The following NUP107 variants were observed in gnomAD, a reference collection of about 807,000 sequenced individuals.
NUP107 encodes the protein nuclear pore complex protein Nup107.
Under a neutral mutation model 141.0 loss-of-function variants are expected in NUP107, and 101 were observed. The ratio of observed to expected loss-of-function variants is 0.72; its 90% CI spans 0.61 to 0.84. NUP107 has a LOEUF of 0.84. NUP107 is among the 40% of genes least tolerant of loss of function. NUP107 has a pLI of 0.00. For synonymous variants in NUP107, 319 were observed against 363.9 expected, an observed-to-expected ratio of 0.88 and a Z score of 1.41; for missense variants, 941 against 1,102.7, an observed-to-expected ratio of 0.85 and a Z score of 2.08.
chr12:68,719,335 T>C lies in NUP107; in HGVS notation c.1084-6T>C. 1.9e-6 allele frequency: 3 copies of C among 1,613,084 alleles called. No individual in the cohort carries two copies. The highest frequency in any genetic ancestry group is 1.7e-5 in the Admixed American group (1 of 59,888). On this transcript the variant is annotated splice_region_variant and splice_polypyrimidine_tract_variant and intron_variant, in intron 12 of 27. Transcript: ENST00000229179. ...TTGGACTGACTGCTCTTTCTTGTTT[T>C]CTAAGGCACAACGACTCTGTAAACG...
At chr12:68,690,136 T>C (rs1314727316) in intron 3 of NUP107, among the ~76,000 whole-genome samples, 2 of 150,600 alleles carry the variant, frequency 1.3e-5, no homozygotes, top group Non-Finnish European at 3.0e-5. Context: ...GCTGAGATTG[T>C]GCCACTGTAC....
At chr12:68,699,266 G>A (rs1347500690) in intron 6 of NUP107, among the ~76,000 whole-genome samples, 1 of 152,024 alleles carries the variant, frequency 6.6e-6, no homozygotes, top group Non-Finnish European at 1.5e-5. Flanking sequence ...CCAGCTACTC[G>A]GGAGGCTGAG....
Position 68,686,997 on chromosome 12 carries a change from A to T in NUP107, c.-69A>T. 2 of 1,606,522 alleles carry T rather than the reference A, an allele frequency of 1.2e-6. No individual in the cohort carries two copies. The highest frequency in any genetic ancestry group is 4.5e-5 in the East Asian group (2 of 44,842). ...CGGGTCGAAGGGCTTGCTTCCGGAGAGCGGGAAGGCTAAAACGCGGTAGCT... is the reference window on the plus strand; with the variant it reads ...CGGGTCGAAGGGCTTGCTTCCGGAGTGCGGGAAGGCTAAAACGCGGTAGCT... On this transcript the variant is annotated 5_prime_UTR_variant, in exon 1 of 28. Transcript: ENST00000229179.
At chr12:68,720,738 A>G (rs1043726454) in intron 14 of NUP107, among the ~76,000 whole-genome samples, 2 of 152,132 alleles carry the variant, frequency 1.3e-5, no homozygotes, top group Non-Finnish European at 2.9e-5. Context: ...GATGTTGTAC[A>G]TAGGTCAGTA....
intron 7 of NUP107, among the ~76,000 whole-genome samples, chr12:68,701,150 G>A (rs937287909): frequency 1.3e-5 from 2 of 152,098 alleles, no homozygotes; most frequent in African/African-American, 4.8e-5. Context: ...CATGTAATAT[G>A]GAAGTTTGAA....
At chr12:68,712,155 G>A (rs1469565960) in intron 10 of NUP107, among the ~76,000 whole-genome samples, 1 of 152,042 alleles carries the variant, frequency 6.6e-6, no homozygotes, top group African/African-American at 2.4e-5. Flanking sequence ...GATTGTGGCT[G>A]GGCATGGTTT....
intron 12 of NUP107, 79 bp downstream of exon 12, chr12:68,715,819 T>G: frequency 2.2e-5 from 17 of 763,136 alleles, no homozygotes; most frequent in East Asian, 5.0e-5. Flanking sequence ...TGTGGCTGCC[T>G]AGTAAGCCTT....
chr12:68,700,395 G>C (rs1450729977), intron 6 of NUP107, among the ~76,000 whole-genome samples: 1 of 152,112 alleles, frequency 6.6e-6, no homozygotes, highest in Non-Finnish European at 1.5e-5. Flanking sequence ...CTTATGTTAT[G>C]ATTTTTCCAG....
At chr12:68,699,135 C>G (rs1352564240) in intron 6 of NUP107, among the ~76,000 whole-genome samples, 1 of 152,062 alleles carries the variant, frequency 6.6e-6, no homozygotes, top group Non-Finnish European at 1.5e-5. Flanking sequence ...CTTTGGGAGG[C>G]CAAGACAGGT....
chr12:68,721,058 GA>G (rs1877328359), intron 14 of NUP107, 59 bp from the exon 15 acceptor site: 2 of 1,156,902 alleles, frequency 1.7e-6, no homozygotes, highest in African/African-American at 1.5e-5. Context: ...ACATTATGAG[GA>G]AAATTGACAT....
intron 11 of NUP107, among the ~76,000 whole-genome samples, chr12:68,715,024 T>C (rs1877036884): frequency 6.6e-6 from 1 of 152,216 alleles, no homozygotes. Context: ...TCAAGTCATC[T>C]TCTAGTGTTA....
intron 14 of NUP107, among the ~76,000 whole-genome samples, chr12:68,720,592 G>A (rs1222559012): frequency 6.6e-6 from 1 of 152,180 alleles, no homozygotes; most frequent in African/African-American, 2.4e-5. Context: ...ACTCAGTTAT[G>A]CAGTAAGAGT....
chr12:68,702,713 T>A (rs1876390888), intron 7 of NUP107, 23 bp from the exon 8 acceptor site: 1 of 1,502,204 alleles, frequency 6.7e-7, no homozygotes, highest in South Asian at 1.3e-5. Flanking sequence ...AAGGCTTTTT[T>A]ATTTTGTCTT....
chr12:68,719,803 AATTATT>A, intron 14 of NUP107, 149 bp downstream of exon 14: 1 of 638,938 alleles, frequency 1.6e-6, no homozygotes, highest in Admixed American at 2.7e-5. Context: ...TACTTATCAG[AATTATT>A]AAAACACTGT....
intron 12 of NUP107, among the ~76,000 whole-genome samples, chr12:68,718,879 TATGTATGTATG>T (rs1877227469): frequency 6.6e-6 from 1 of 151,982 alleles, no homozygotes; most frequent in Admixed American, 6.6e-5. Flanking sequence ...TGTATGTATG[TATGTATGTATG>T]TATTTATTTA....
At chr12:68,715,488 C>T (rs890650891) in intron 11 of NUP107, 139 bp from the exon 12 acceptor site, 4 of 559,678 alleles carry the variant, frequency 7.1e-6, no homozygotes, top group East Asian at 3.1e-5. Context: ...AACAAGACTC[C>T]GTCTCGGAAA....
chr12:68,689,442 A>G (rs1875668674), intron 2 of NUP107, 91 bp from the exon 3 acceptor site: 1 of 740,800 alleles, frequency 1.3e-6, no homozygotes, highest in South Asian at 1.8e-5. Flanking sequence ...TGAAAAATGT[A>G]TTCACATAAT....
chr12:68,732,962 C>T (rs560212202), intron 23 of NUP107, among the ~76,000 whole-genome samples: 5 of 152,250 alleles, frequency 3.3e-5, no homozygotes, highest in South Asian at 2.1e-4. Context: ...GGATTATAGG[C>T]GTGAACCACC....
Position 68,702,657 on chromosome 12 carries a change from C to T in NUP107, c.681-79C>T, listed in dbSNP as rs1027373237. 30 of 960,822 alleles carry T rather than the reference C, an allele frequency of 3.1e-5. No homozygotes were observed. The African/African-American group carries it at 5.0e-4, about 16-fold the overall frequency. 59.5% of individuals were successfully genotyped at this position (960,822 alleles called of 1,614,324 possible). The stretch of plus-strand genomic sequence containing the variant: ...TTAAAAAGAAGTTAGCCAAATTTTC[C>T]TTCTCTCAGATGCTCAGTGGCAAGT... On this transcript the variant is annotated intron_variant, in intron 7 of 27. Transcript: ENST00000229179.
Sources: allele counts gnomAD v4.1 joint callset (sites outside exome capture counted in the v4.1 genomes callset), GRCh38; gene constraint gnomAD v4.1.1; transcripts MANE v1.5; gene names NCBI Gene and HGNC (gene_info 2026-07-23, HGNC 2026-07-21).